Variants in SHOC1 observed in about 807,000 individuals in gnomAD.
The protein encoded by SHOC1 is shortage in chiasmata 1, also known as protein shortage in chiasmata 1 ortholog.
In SHOC1, 136 loss-of-function variants were observed where a neutral mutation model predicts 179.2. That is an observed-to-expected ratio of 0.76 (90% CI 0.66 to 0.87). The LOEUF (loss-of-function observed/expected upper bound fraction) is 0.87, where lower values mean the gene tolerates loss of function less well. Ranked by LOEUF, SHOC1 falls within the 40% of genes least tolerant of loss-of-function variation. The pLI, the probability that SHOC1 is intolerant of heterozygous loss-of-function variation, is 0.00. For missense variants in SHOC1, 1,538 were observed against 1,700.8 expected (o/e 0.90, Z 1.68); for synonymous variants, 489 against 586.6 (o/e 0.83, Z 2.41).
intron 4 of SHOC1, among the ~76,000 whole-genome samples, chr9:111,779,988 CG>C (rs1835976085): frequency 3.9e-5 from 6 of 152,218 alleles, no homozygotes; most frequent in African/African-American, 1.2e-4. Context: ...TCTGCTTCCT[CG>C]CTGCTAGGAG....
chr9:111,753,889 G>T (rs370030934), intron 8 of SHOC1, among the ~76,000 whole-genome samples: 16 of 152,188 alleles, frequency 1.1e-4, no homozygotes, highest in East Asian at 9.6e-4. Context: ...CAGGGGCTAG[G>T]GTGTAGGGGA....
chr9:111,785,797 G>A, intron 3 of SHOC1, 115 bp downstream of exon 3: 1 of 798,376 alleles, frequency 1.3e-6, no homozygotes, highest in Non-Finnish European at 1.8e-6. Flanking sequence ...ATTCTGACAT[G>A]AGTAGATGCA....
chr9:111,720,743 G>A (rs868402056), intron 15 of SHOC1, among the ~76,000 whole-genome samples: 3 of 151,956 alleles, frequency 2.0e-5, no homozygotes, highest in African/African-American at 4.8e-5. Flanking sequence ...GCCATTAATT[G>A]CATCCACTAT....
intron 16 of SHOC1, 38 bp downstream of exon 16, chr9:111,718,146 A>G: frequency 7.2e-7 from 1 of 1,391,806 alleles, no homozygotes. Context: ...GAAATATTTA[A>G]TAGGAAGAAA....
intron 15 of SHOC1, among the ~76,000 whole-genome samples, chr9:111,718,496 A>G (rs1832898933): frequency 6.6e-6 from 1 of 152,188 alleles, no homozygotes; most frequent in Non-Finnish European, 1.5e-5. Context: ...GAATGAGGAA[A>G]TAGTATTAAT....
chr9:111,776,983 G>T (rs1835859549), intron 4 of SHOC1, among the ~76,000 whole-genome samples: 1 of 152,196 alleles, frequency 6.6e-6, no homozygotes, highest in Non-Finnish European at 1.5e-5. Flanking sequence ...TTGTGGATCA[G>T]AGTTTTTAAA....
At position 111,756,337 on chromosome 9, in the gene SHOC1, G is replaced by T; in HGVS notation, c.850C>A (p.Leu284Ile). The T allele has an allele frequency of 6.3e-7, 1 of 1,593,008 alleles. No individual in the cohort carries two copies. The highest frequency in any genetic ancestry group is 8.5e-7 in the Non-Finnish European group (1 of 1,173,244). Reference sequence around the variant, plus strand: ...AATTAATTCTCACCTCTTTCAAAAAGCTTTTCCTTTTCATCTACATAGTTT... The same window carrying T: ...AATTAATTCTCACCTCTTTCAAAAATCTTTTCCTTTTCATCTACATAGTTT... ...IINYVDEKEK[L>I]FERDLTNKHG... The change falls in exon 8 of 28, where the codon CTT becomes ATT. Residue 284 changes from leucine to isoleucine, a missense_variant. Coordinates refer to ENST00000682961, the MANE Select transcript of SHOC1 (RefSeq NM_001378211.1).
At position 111,705,168 on chromosome 9, in the gene SHOC1, T is replaced by TACAC. The variant is rs879050806; in HGVS notation, c.2855+78_2855+79insGTGT. 3.8e-3 allele frequency: 1,955 copies of TACAC among 508,818 alleles called. 18 individuals are homozygous for TACAC. The highest frequency in any genetic ancestry group is 8.0e-3 in the South Asian group (174 of 21,746). 31.5% of individuals were successfully genotyped at this position (508,818 alleles called of 1,614,324 possible). A position where few individuals can be genotyped will look rare whatever the true frequency, so the allele number is the denominator to read the frequency against. ...ATAATATTTAGCCTATCAGAATATA[T>TACAC]ATACACACACACACACACACACACA... is the stretch of plus-strand genomic sequence containing the variant. On this transcript the variant is annotated intron_variant, in intron 21 of 27. Transcript: ENST00000682961.
chr9:111,738,166 A>AT, intron 12 of SHOC1, 114 bp downstream of exon 12: 1 of 901,550 alleles, frequency 1.1e-6, no homozygotes, highest in Non-Finnish European at 1.6e-6. Flanking sequence ...GCCAGGGCCT[A>AT]TATGGAATGC....
rs938782125 is a variant in SHOC1 at position 111,714,301 on chromosome 9, C to G, written c.2415+144G>C. ...TCCTTTCTATGGGTCTGATTCTGTT[C>G]TGTTACCTTATTCAAGGACTAAACC... On this transcript the variant is annotated intron_variant, in intron 17 of 27. Transcript: ENST00000682961. The G allele has an allele frequency of 2.1e-5, 15 of 706,506 alleles. No individual in the cohort carries two copies. In the African/African-American group the frequency reaches 2.7e-4, roughly 13 times the overall value. The allele number at this position is 706,506 out of a possible 1,614,324, so 43.8% of individuals were successfully genotyped here.
intron 4 of SHOC1, among the ~76,000 whole-genome samples, chr9:111,779,667 C>G (rs886368479): frequency 6.6e-6 from 1 of 152,092 alleles, no homozygotes; most frequent in African/African-American, 2.4e-5. Flanking sequence ...TCTTAGAGAT[C>G]GTCTCGCATC....
intron 18 of SHOC1, among the ~76,000 whole-genome samples, chr9:111,711,701 G>A (rs1339511599): frequency 6.6e-6 from 1 of 152,106 alleles, no homozygotes; most frequent in Non-Finnish European, 1.5e-5. Context: ...TAATATAGTA[G>A]GGGTTTTTTG....
chr9:111,718,011 G>A (rs1441998777), intron 16 of SHOC1, among the ~76,000 whole-genome samples, 173 bp downstream of exon 16: 1 of 151,994 alleles, frequency 6.6e-6, no homozygotes, highest in Non-Finnish European at 1.5e-5. Context: ...AATACAAGCA[G>A]AATAAAATGT....
rs368496448 is a variant in SHOC1 at position 111,766,855 on chromosome 9, G to A, written c.443-8007C>T. Among the ~76,000 whole-genome samples, 71 of 151,844 alleles carry A rather than the reference G, an allele frequency of 4.7e-4. No homozygotes were observed. The East Asian group carries it at 8.5e-3, about 18-fold the overall frequency. ...TCAAATGCCTGACTTCAGGTGATCC[G>A]TCCAGCTTAGCCTCCCAAAGTGCTG... On this transcript the variant is annotated intron_variant, in intron 5 of 27. Coordinates refer to ENST00000682961, the MANE Select transcript of SHOC1 (RefSeq NM_001378211.1).
At chr9:111,785,661 A>G (rs1286516624) in intron 3 of SHOC1, among the ~76,000 whole-genome samples, 1 of 152,230 alleles carries the variant, frequency 6.6e-6, no homozygotes, top group East Asian at 1.9e-4. Context: ...ACAATGTTAG[A>G]CTATTTTAAG....
Position 111,706,681 on chromosome 9 carries a change from G to A in SHOC1, c.2624C>T (p.Ser875Leu), listed in dbSNP as rs1344780728. The A allele has an allele frequency of 6.2e-7, 1 of 1,609,486 alleles. No homozygotes were observed. Among genetic ancestry groups the A allele is most frequent in the Non-Finnish European group, 8.5e-7 (1 of 1,177,090 alleles). The change falls in exon 20 of 28, where the codon TCA becomes TTA. Residue 875 changes from serine to leucine, a missense_variant. Transcript: ENST00000682961. ...CACATAATTGTATTCCACCACAAAT[G>A]AGAAATTACTCCAGGGGAAATCTGC... Reference protein sequence around the residue: ...IGADFPWSNFSFVVEYNYVED... With the variant: ...IGADFPWSNFLFVVEYNYVED...
rs540066664 is a variant in SHOC1, at chr9:111,722,447, T to C, written c.2093A>G (p.Lys698Arg). The C allele has an allele frequency of 6.2e-7, 1 of 1,610,642 alleles. No homozygotes were observed. Among genetic ancestry groups the C allele is most frequent in the Non-Finnish European group, 8.5e-7 (1 of 1,179,380 alleles). Residue 698 changes from lysine (K) to arginine (R), a missense_variant, in exon 15 of 28, where the codon AAG (lysine) becomes AGG (arginine). Coordinates refer to ENST00000682961, the MANE Select transcript of SHOC1 (RefSeq NM_001378211.1). Reference protein sequence around the residue: ...VIFDQTRFLLKEQEKVVSDAV... With the variant: ...VIFDQTRFLLREQEKVVSDAV... ...ATCACTTACTACTTTTTCTTGTTCCTTTAAGAGAAACCTTGTTTGGTCAAA... is the reference window on the plus strand; with the variant it reads ...ATCACTTACTACTTTTTCTTGTTCCCTTAAGAGAAACCTTGTTTGGTCAAA...
intron 24 of SHOC1, 39 bp from the exon 25 acceptor site, chr9:111,694,401 A>G (rs1564103732): frequency 7.0e-7 from 1 of 1,435,386 alleles, no homozygotes; most frequent in Non-Finnish European, 9.6e-7. Context: ...AGGAAATACT[A>G]GGAAGCAAAA....
intron 5 of SHOC1, among the ~76,000 whole-genome samples, chr9:111,768,087 G>A (rs982585216): frequency 2.0e-5 from 3 of 151,876 alleles, no homozygotes; most frequent in Admixed American, 1.3e-4. Flanking sequence ...TTCTTATATA[G>A]ATCTTTCACT....
Sources: allele counts gnomAD v4.1 joint callset (sites outside exome capture counted in the v4.1 genomes callset), GRCh38; gene constraint gnomAD v4.1.1; transcripts MANE v1.5; gene names NCBI Gene and HGNC (gene_info 2026-07-23, HGNC 2026-07-21).